Variants in MTRF1 observed in about 807,000 individuals in gnomAD.
MTRF1 encodes the protein peptide chain release factor 1, mitochondrial.
In MTRF1, 51 loss-of-function variants were observed where a neutral mutation model predicts 62.9. The observed-to-expected ratio is 0.81, with a 90% CI of 0.65 to 1.02. The LOEUF is 1.02. Ranked by LOEUF, MTRF1 falls within the 50% of genes least tolerant of loss-of-function variation. The pLI is 0.00. For synonymous variants in MTRF1, 158 were observed against 181.9 expected (o/e 0.87, Z 1.06); for missense variants, 446 against 530.0 (o/e 0.84, Z 1.56).
At chr13:41,266,477 T>G (rs9796145), upstream of MTRF1, among the ~76,000 whole-genome samples, 79,324 of 151,610 alleles carry the variant, frequency 0.52, 21,558 homozygotes, top group South Asian at 0.62. Context: ...CCAAGCACAG[T>G]GGCACGCACC....
intron 5 of MTRF1, among the ~76,000 whole-genome samples, chr13:41,244,789 G>A (rs2038022199): frequency 6.6e-6 from 1 of 152,164 alleles, no homozygotes; most frequent in African/African-American, 2.4e-5. Flanking sequence ...CCAGTCATGT[G>A]TTGAGATGAC....
rs113857124 is a variant in MTRF1 at position 41,253,075 on chromosome 13, C to A, written c.508-45G>T. The stretch of plus-strand genomic sequence containing the variant: ...TTGTGTGTATATTTTCCCCGGTACA[C>A]TATTACTGAATTAAATAAAGGCCCG... On this transcript the variant is annotated intron_variant, in intron 3 of 9. Coordinates refer to ENST00000379480, the MANE Select transcript of MTRF1 (RefSeq NM_004294.4). The A allele has an allele frequency of 1.7e-4, 241 of 1,396,270 alleles. No homozygotes were observed. In the African/African-American group the frequency reaches 2.9e-3, roughly 17 times the overall value. The allele number at this position is 1,396,270 out of a possible 1,614,324, so 86.5% of individuals were successfully genotyped here.
chr13:41,238,319 T>C (rs1639277986), intron 6 of MTRF1, among the ~76,000 whole-genome samples: 1 of 152,196 alleles, frequency 6.6e-6, no homozygotes, highest in African/African-American at 2.4e-5. Flanking sequence ...AAAAGGCTAC[T>C]ATAGACCAAA....
At chr13:41,225,372 TTGCTTGTTAAAAGCAAAAATAAGTTA>T (rs1291622425) in intron 8 of MTRF1, among the ~76,000 whole-genome samples, 127 of 152,174 alleles carry the variant, frequency 8.3e-4, no homozygotes, top group African/African-American at 2.9e-3. Flanking sequence ...GGTATATTGT[TTGCTTGTTAAAAGCAAAAATAAGTTA>T]TGGTTTGTAA....
chr13:41,227,258 C>T (rs908328712), intron 7 of MTRF1, among the ~76,000 whole-genome samples: 1 of 150,190 alleles, frequency 6.7e-6, no homozygotes, highest in African/African-American at 2.5e-5. Flanking sequence ...GGTGACAGAG[C>T]GAGACTCCGT....
At chr13:41,306,705 A>G in the MTRF1 span, among the ~76,000 whole-genome samples, 2 of 152,222 alleles carry the variant, frequency 1.3e-5, no homozygotes, top group African/African-American at 4.8e-5. Flanking sequence ...AAAGGTCTTT[A>G]CAGATGTGGT....
intron 4 of MTRF1, 55 bp downstream of exon 4, chr13:41,252,894 A>G: frequency 7.1e-7 from 1 of 1,416,650 alleles, no homozygotes. Context: ...TTATCAAATA[A>G]GGTAAAATTC....
chr13:41,311,734 C>A, the MTRF1 span: 1 of 711,336 alleles, frequency 1.4e-6, no homozygotes, highest in Non-Finnish European at 2.3e-6. Flanking sequence ...CCCCACTTTC[C>A]CGCTCCGGCC....
At chr13:41,222,396 AT>A (rs2033578267) in intron 9 of MTRF1, among the ~76,000 whole-genome samples, 2 of 152,168 alleles carry the variant, frequency 1.3e-5, no homozygotes, top group South Asian at 4.1e-4. Context: ...ATGAAGACAC[AT>A]TGTGGTAGGG....
At chr13:41,287,038 C>T in the MTRF1 span, among the ~76,000 whole-genome samples, 1 of 152,146 alleles carries the variant, frequency 6.6e-6, no homozygotes, top group Admixed American at 6.5e-5. Flanking sequence ...GCTTAGTGTT[C>T]TTAACATAAC....
chr13:41,271,343 G>A, the MTRF1 span, among the ~76,000 whole-genome samples: 43 of 152,084 alleles, frequency 2.8e-4, no homozygotes, highest in African/African-American at 9.2e-4. Context: ...ATAAACTCTG[G>A]CAAGTATAGA....
the MTRF1 span, among the ~76,000 whole-genome samples, chr13:41,273,967 T>C: frequency 6.6e-6 from 1 of 152,166 alleles, no homozygotes; most frequent in East Asian, 1.9e-4. Context: ...AGACAAATGA[T>C]TGCATTCCTT....
chr13:41,266,750 T>C (rs1245873501), upstream of MTRF1, among the ~76,000 whole-genome samples: 1 of 152,116 alleles, frequency 6.6e-6, no homozygotes, highest in African/African-American at 2.4e-5. Flanking sequence ...TCCCATCACT[T>C]TGGGAGCCGA....
chr13:41,304,482 G>GT, the MTRF1 span, among the ~76,000 whole-genome samples: 2 of 152,102 alleles, frequency 1.3e-5, no homozygotes, highest in African/African-American at 4.8e-5. Flanking sequence ...CTATAACATC[G>GT]TAGGTACTCA....
intron 5 of MTRF1, 157 bp downstream of exon 5, chr13:41,252,488 T>C (rs2039194131): frequency 6.0e-6 from 3 of 500,002 alleles, no homozygotes; most frequent in African/African-American, 1.9e-5. Flanking sequence ...AACTCTGCTA[T>C]AATAGTAAGC....
chr13:41,250,699 G>C (rs1439923491), intron 5 of MTRF1, among the ~76,000 whole-genome samples: 1 of 152,206 alleles, frequency 6.6e-6, no homozygotes, highest in East Asian at 1.9e-4. Flanking sequence ...TTACCATGTT[G>C]GTCAGGCTGG....
the MTRF1 span, among the ~76,000 whole-genome samples, chr13:41,295,591 G>C: frequency 3.7e-4 from 56 of 152,112 alleles, no homozygotes; most frequent in African/African-American, 1.3e-3. Flanking sequence ...ATTTTATCGA[G>C]ATAATCCTTG....
chr13:41,300,325 GC>G, the MTRF1 span, among the ~76,000 whole-genome samples: 402 of 152,220 alleles, frequency 2.6e-3, 1 homozygote, highest in African/African-American at 9.2e-3. Flanking sequence ...CGTGGCTCAC[GC>G]TAGTAATCCC....
intron 2 of MTRF1, among the ~76,000 whole-genome samples, chr13:41,257,419 C>A (rs1194804087): frequency 6.6e-6 from 1 of 152,190 alleles, no homozygotes; most frequent in Non-Finnish European, 1.5e-5. Context: ...ATGCAAGCTA[C>A]ATCACAAAGG....
Sources: allele counts gnomAD v4.1 joint callset (sites outside exome capture counted in the v4.1 genomes callset), GRCh38; gene constraint gnomAD v4.1.1; transcripts MANE v1.5; gene names NCBI Gene and HGNC (gene_info 2026-07-23, HGNC 2026-07-21).